The following SHISA6 variants were observed in gnomAD, a reference collection of about 807,000 sequenced individuals.
The protein encoded by SHISA6 is protein shisa-6.
In SHISA6, 22 loss-of-function variants were observed where a neutral mutation model predicts 47.9. That is an observed-to-expected ratio of 0.46 (90% CI 0.33 to 0.66). The LOEUF (loss-of-function observed/expected upper bound fraction) is 0.66. Ranked by LOEUF, SHISA6 falls within the 30% of genes least tolerant of loss-of-function variation. The pLI, the probability that SHISA6 is intolerant of heterozygous loss-of-function variation, is 0.02. For missense variants in SHISA6, 680 were observed against 764.6 expected (o/e 0.89, Z 1.30); for synonymous variants, 388 against 337.8 (o/e 1.15, Z -1.63).
chr17:11,303,790 A>G (rs1452457066), intron 2 of SHISA6, among the ~76,000 whole-genome samples: 6 of 152,162 alleles, frequency 3.9e-5, no homozygotes, highest in Non-Finnish European at 8.8e-5. Flanking sequence ...AGCTCGTTGT[A>G]AGGATGACTC....
At chr17:11,283,622 T>A (rs974037302) in intron 2 of SHISA6, among the ~76,000 whole-genome samples, 1 of 152,242 alleles carries the variant, frequency 6.6e-6, no homozygotes, top group Non-Finnish European at 1.5e-5. Flanking sequence ...AAAGCTTATA[T>A]ATAACCCTAG....
chr17:11,463,011 C>A (rs1915728676), intron 3 of SHISA6, among the ~76,000 whole-genome samples: 2 of 152,172 alleles, frequency 1.3e-5, no homozygotes, highest in Non-Finnish European at 2.9e-5. Flanking sequence ...AGCACAGCAT[C>A]ACATACCCAT....
chr17:11,491,683 G>A (rs766128682), intron 3 of SHISA6, among the ~76,000 whole-genome samples: 34 of 151,966 alleles, frequency 2.2e-4, no homozygotes, highest in Non-Finnish European at 4.7e-4. Flanking sequence ...GCCCATTGAG[G>A]CCATATGCAT....
At chr17:11,392,409 T>C (rs1395284963) in intron 3 of SHISA6, among the ~76,000 whole-genome samples, 4 of 152,138 alleles carry the variant, frequency 2.6e-5, no homozygotes, top group African/African-American at 4.8e-5. Context: ...TCCTCAGGAA[T>C]AGATTATTGT....
Position 11,432,998 on chromosome 17 carries a change from GT to G in SHISA6, c.895+53490del, listed in dbSNP as rs1914828833. Among the ~76,000 whole-genome samples, 3 of 152,322 alleles carry G rather than the reference GT, an allele frequency of 2.0e-5. No homozygotes were observed. The South Asian group carries it at 6.2e-4, about 32-fold the overall frequency. On this transcript the variant is annotated intron_variant, in intron 3 of 5. Coordinates refer to ENST00000441885, the MANE Select transcript of SHISA6 (RefSeq NM_207386.4). ...ATTGTGGTAACAGTTGCACAACTCT[GT>G]GAATACACAAAAAACCATTGAATCA... is the stretch of plus-strand genomic sequence containing the variant.
intron 3 of SHISA6, among the ~76,000 whole-genome samples, chr17:11,400,653 T>G (rs1372118382): frequency 1.3e-5 from 2 of 152,206 alleles, no homozygotes; most frequent in Admixed American, 6.5e-5. Flanking sequence ...CAAATCATAC[T>G]TCTGATCAGA....
intron 2 of SHISA6, among the ~76,000 whole-genome samples, chr17:11,279,859 A>G (rs1909061329): frequency 6.6e-6 from 1 of 152,086 alleles, no homozygotes; most frequent in African/African-American, 2.4e-5. Context: ...CTGCATTTTC[A>G]GTTTTCATTA....
chr17:11,336,287 C>T (rs1911317429), intron 2 of SHISA6, among the ~76,000 whole-genome samples: 1 of 151,980 alleles, frequency 6.6e-6, no homozygotes, highest in African/African-American at 2.4e-5. Flanking sequence ...TATTTTATGG[C>T]TCTGATCTTT....
intron 3 of SHISA6, among the ~76,000 whole-genome samples, chr17:11,544,307 C>T (rs1013775776): frequency 6.6e-6 from 1 of 152,058 alleles, no homozygotes; most frequent in African/African-American, 2.4e-5. Context: ...TATTTGCAAA[C>T]CTTCTATCTA....
intron 2 of SHISA6, among the ~76,000 whole-genome samples, chr17:11,372,526 T>G (rs1320945626): frequency 6.6e-6 from 1 of 152,226 alleles, no homozygotes; most frequent in Non-Finnish European, 1.5e-5. Flanking sequence ...TTAAAACATT[T>G]TCTTTCCGTG....
intron 3 of SHISA6, among the ~76,000 whole-genome samples, chr17:11,540,976 G>A (rs552646844): frequency 7.9e-5 from 12 of 152,302 alleles, no homozygotes; most frequent in African/African-American, 2.6e-4. Context: ...AGACAATGAC[G>A]CATAATGAAT....
chr17:11,372,908 C>A (rs1419708754), intron 2 of SHISA6, among the ~76,000 whole-genome samples: 2 of 152,016 alleles, frequency 1.3e-5, no homozygotes, highest in Non-Finnish European at 2.9e-5. Context: ...GAGAATTGCT[C>A]CCCCACCCCT....
intron 3 of SHISA6, among the ~76,000 whole-genome samples, chr17:11,428,381 A>G (rs1232056120): frequency 6.6e-6 from 1 of 152,256 alleles, no homozygotes; most frequent in Non-Finnish European, 1.5e-5. Flanking sequence ...AGGAACACGT[A>G]CGTCCTGAAA....
At chr17:11,344,586 G>A (rs1363911283) in intron 2 of SHISA6, among the ~76,000 whole-genome samples, 2 of 152,028 alleles carry the variant, frequency 1.3e-5, no homozygotes, top group African/African-American at 4.8e-5. Flanking sequence ...AAATGTAAGG[G>A]TTTATTTCTG....
At chr17:11,378,733 A>C (rs576061783) in intron 2 of SHISA6, among the ~76,000 whole-genome samples, 2 of 152,320 alleles carry the variant, frequency 1.3e-5, no homozygotes, top group South Asian at 4.1e-4. Flanking sequence ...GGCAGGGGAT[A>C]GTGTCTGCTG....
At chr17:11,483,034 G>T (rs968082299) in intron 3 of SHISA6, among the ~76,000 whole-genome samples, 1 of 152,124 alleles carries the variant, frequency 6.6e-6, no homozygotes, top group Non-Finnish European at 1.5e-5. Flanking sequence ...AGGCACGGTG[G>T]TTCATGCCTG....
At chr17:11,475,037 CAG>C (rs1916020893) in intron 3 of SHISA6, among the ~76,000 whole-genome samples, 1 of 152,106 alleles carries the variant, frequency 6.6e-6, no homozygotes, top group Admixed American at 6.5e-5. Flanking sequence ...TCGTATCACT[CAG>C]ATAAATCTTA....
intron 3 of SHISA6, among the ~76,000 whole-genome samples, chr17:11,397,180 A>G (rs1490910601): frequency 2.0e-5 from 3 of 152,118 alleles, no homozygotes; most frequent in African/African-American, 7.2e-5. Flanking sequence ...CTTCTTAAAT[A>G]CTACTTAGTT....
At chr17:11,549,015 C>G (rs2071906931) in intron 3 of SHISA6, among the ~76,000 whole-genome samples, 1 of 152,136 alleles carries the variant, frequency 6.6e-6, no homozygotes, top group Non-Finnish European at 1.5e-5. Flanking sequence ...ATCGCTTTTA[C>G]TACTATAAAA....
Sources: gnomAD v4.1 joint callset for allele counts (sites outside exome capture counted in the v4.1 genomes callset) on GRCh38, gnomAD v4.1.1 for gene constraint, MANE v1.5 for transcripts, NCBI Gene and HGNC (gene_info 2026-07-23, HGNC 2026-07-21) for gene names.